TNN: variants seen among roughly 807,000 people sequenced by gnomAD.
TNN encodes the protein tenascin N.
Under a neutral mutation model 134.4 loss-of-function variants are expected in TNN, and 122 were observed. The observed-to-expected ratio is 0.91, with a 90% CI of 0.78 to 1.06. The LOEUF is 1.06. Among genes scored for constraint, TNN ranks in the 50% least tolerant of loss-of-function variants. TNN has a pLI of 0.00. For synonymous variants in TNN, 710 were observed against 670.3 expected (o/e 1.06, Z -0.91); for missense variants, 1,739 against 1,699.4 (o/e 1.02, Z -0.41).
At chr1:175,071,796 G>A (rs561913750) in intron 1 of TNN, among the ~76,000 whole-genome samples, 1 of 152,252 alleles carries the variant, frequency 6.6e-6, no homozygotes, top group Non-Finnish European at 1.5e-5. Context: ...AGGACTTTGA[G>A]GATTAAATGA....
At chr1:175,084,851 G>A (rs1674288055) in intron 5 of TNN, among the ~76,000 whole-genome samples, 2 of 152,160 alleles carry the variant, frequency 1.3e-5, no homozygotes. Flanking sequence ...AAAGGGCTGG[G>A]CATAATGGCT....
At position 175,079,480 on chromosome 1, in the gene TNN, G is replaced by C. The variant is rs749956734; in HGVS notation, c.557G>C (p.Cys186Ser). 30 of 1,563,370 alleles carry C rather than the reference G, an allele frequency of 1.9e-5. No individual in the cohort carries two copies. The East Asian group carries it at 7.0e-4, about 36-fold the overall frequency. ...SGHGRCVDGR[C>S]LCHEPYVGAD... is the part of the protein sequence containing the mutation. ...CACGGGCGTTGCGTGGACGGGCGCT[G>C]CCTGTGCCATGAGCCCTACGTGGGT... The change falls in exon 3 of 19, where the codon TGC becomes TCC. Residue 186 changes from cysteine (C) to serine (S), a missense_variant. By Grantham distance (112) the Cys-to-Ser change is moderately radical. Coordinates refer to ENST00000239462, the MANE Select transcript of TNN (RefSeq NM_022093.2).
Position 175,077,756 on chromosome 1 carries a change from A to G in TNN, c.338A>G (p.Lys113Arg), listed in dbSNP as rs940123457. 3.7e-6 allele frequency: 6 copies of G among 1,614,080 alleles called. No homozygotes were observed. In the African/African-American group the frequency reaches 6.7e-5, roughly 18 times the overall value. ...GSVQDLLARV[K>R]KLEEEMVEMK... ...GTCCAGGACCTCCTGGCCCGGGTGA[A>G]GAAGCTGGAGGAAGAGATGGTGGAG... Residue 113 changes from lysine (K) to arginine (R), a missense_variant, in exon 2 of 19, where the codon AAG becomes AGG. Coordinates refer to ENST00000239462, the MANE Select transcript of TNN (RefSeq NM_022093.2).
chr1:175,146,382 G>A (rs1676068735), intron 18 of TNN, among the ~76,000 whole-genome samples: 1 of 152,194 alleles, frequency 6.6e-6, no homozygotes, highest in Non-Finnish European at 1.5e-5. Context: ...TGGCCAGGTT[G>A]CAGGGTTATT....
chr1:175,095,421 A>G (rs1674545179), intron 7 of TNN, among the ~76,000 whole-genome samples: 1 of 152,182 alleles, frequency 6.6e-6, no homozygotes, highest in East Asian at 1.9e-4. Context: ...GTGTTCCGAT[A>G]AGACTTTATT....
At position 175,147,585 on chromosome 1, in the gene TNN, A is replaced by C. The variant is rs543192571; in HGVS notation, c.*514A>C. ...CCCCCTTTTAATTTCTGGTGTTATG[A>C]GGAAGAATAAAGGGGATAAAAGGGG... On this transcript the variant is annotated 3_prime_UTR_variant, in exon 19 of 19. Coordinates refer to ENST00000239462, the MANE Select transcript of TNN (RefSeq NM_022093.2). 6.6e-6 allele frequency: 1 copy of C among 152,286 alleles called. No homozygotes were observed. Among genetic ancestry groups the C allele is most frequent in the African/African-American group, 2.4e-5 (1 of 41,524 alleles). The allele number at this position is 152,286 out of a possible 1,614,324, so 9.4% of individuals were successfully genotyped here.
At position 175,118,571 on chromosome 1, in the gene TNN, C is replaced by A. The variant is rs763461948; in HGVS notation, c.2397C>A (p.Ser799Arg). The change falls in exon 11 of 19, where the codon AGC becomes AGA. Residue 799 changes from serine to arginine, a missense_variant. By Grantham distance (110) the Ser-to-Arg change is moderately radical. Transcript: ENST00000239462. ...ADTKAQTDID[S>R]PQNLVTDWVT... ...CATTTTTTTTTTCAGACATTGACAG[C>A]CCCCAAAACCTGGTCACTGACTGGG... The A allele has an allele frequency of 3.1e-6, 5 of 1,613,310 alleles. No homozygotes were observed. Among genetic ancestry groups the A allele is most frequent in the Admixed American group, 3.3e-5 (2 of 59,812 alleles).
Position 175,086,783 on chromosome 1 carries a change from T to C in TNN, c.1324+1289T>C, listed in dbSNP as rs191257285. 3.1e-3 allele frequency among the ~76,000 whole-genome samples: 476 copies of C among 152,346 alleles called. 3 individuals are homozygous for C. Among genetic ancestry groups the C allele is most frequent in the African/African-American group, 0.011 (453 of 41,588 alleles). On this transcript the variant is annotated intron_variant, in intron 6 of 18. Coordinates refer to ENST00000239462, the MANE Select transcript of TNN (RefSeq NM_022093.2). ...ACTAGACAAGGTAGACTGTACAGTC[T>C]GCCTGAATAGTGGACTAGGGAACTG...
At chr1:175,118,854 G>A (rs915819586) in intron 11 of TNN, 30 bp downstream of exon 11, 9 of 1,612,032 alleles carry the variant, frequency 5.6e-6, no homozygotes, top group South Asian at 4.4e-5. Flanking sequence ...GAGCAAACCC[G>A]GGTAGTAGCT....
rs775367374 is a variant in TNN, at chr1:175,144,532, G to A, written c.3741G>A (p.Gly1247=). 31 of 1,614,076 alleles carry A rather than the reference G, an allele frequency of 1.9e-5. No homozygotes were observed. The highest frequency in any genetic ancestry group is 2.6e-5 in the Non-Finnish European group (31 of 1,180,036). The part of the protein sequence containing the change: ...CHLANPNGRY[G]ETKHSEGVNW... ...TGGCCAACCCTAATGGCAGATATGG[G>A]GAGACCAAGCACAGTGAGGTAGGTG... is the stretch of plus-strand genomic sequence containing the variant. Residue 1247 remains glycine (G), a synonymous_variant, in exon 18 of 19, where the codon GGG becomes GGA. Coordinates refer to ENST00000239462, the MANE Select transcript of TNN (RefSeq NM_022093.2).
intron 1 of TNN, among the ~76,000 whole-genome samples, chr1:175,071,329 C>T (rs1405577268): frequency 1.3e-5 from 2 of 152,166 alleles, no homozygotes; most frequent in Admixed American, 6.5e-5. Context: ...AAACCATCCA[C>T]CCCTGGGGTC....
intron 7 of TNN, among the ~76,000 whole-genome samples, chr1:175,094,891 G>A (rs1039821137): frequency 6.6e-6 from 1 of 152,158 alleles, no homozygotes; most frequent in Non-Finnish European, 1.5e-5. Context: ...AAAACACCTG[G>A]CAGGAAATCA....
chr1:175,145,552 C>CAAAAACAAAAAAAA (rs1676042670), intron 18 of TNN, among the ~76,000 whole-genome samples: 1 of 28,910 alleles, frequency 3.5e-5, no homozygotes, highest in Non-Finnish European at 6.0e-5. Flanking sequence ...GACCCTGTCT[C>CAAAAACAAAAAAAA]AAAAAAAAAA....
At chr1:175,086,097 T>A (rs1674320860) in intron 6 of TNN, among the ~76,000 whole-genome samples, 2 of 152,198 alleles carry the variant, frequency 1.3e-5, no homozygotes, top group Admixed American at 1.3e-4. Flanking sequence ...GCGTTGTTTT[T>A]AAGGCATTTA....
intron 17 of TNN, 104 bp downstream of exon 17, chr1:175,137,092 G>A (rs1675831744): frequency 8.0e-7 from 1 of 1,244,086 alleles, no homozygotes; most frequent in African/African-American, 1.5e-5. Flanking sequence ...TTATTCTGTG[G>A]AGGTGAATTG....
chr1:175,073,464 G>A (rs1172705170), intron 1 of TNN, among the ~76,000 whole-genome samples: 2 of 152,184 alleles, frequency 1.3e-5, no homozygotes, highest in African/African-American at 2.4e-5. Context: ...CTTTTCTGGT[G>A]GCTTTTGGTC....
chr1:175,068,646 C>T (rs1436000120), intron 1 of TNN, among the ~76,000 whole-genome samples: 1 of 152,208 alleles, frequency 6.6e-6, no homozygotes. Flanking sequence ...GTGGCTCATG[C>T]CTGTAATCCC....
At chr1:175,080,474 C>T in intron 4 of TNN, 48 bp downstream of exon 4, 1 of 1,604,990 alleles carries the variant, frequency 6.2e-7, no homozygotes. Flanking sequence ...AGGCCCCATT[C>T]TAAATGGTTT....
chr1:175,101,059 G>T (rs1674708992), intron 9 of TNN, among the ~76,000 whole-genome samples: 1 of 152,182 alleles, frequency 6.6e-6, no homozygotes, highest in Non-Finnish European at 1.5e-5. Flanking sequence ...ATAAATCATT[G>T]TTAACTGTAG....
Sources: allele counts gnomAD v4.1 joint callset (sites outside exome capture counted in the v4.1 genomes callset), GRCh38; gene constraint gnomAD v4.1.1; transcripts MANE v1.5; gene names NCBI Gene and HGNC (gene_info 2026-07-23, HGNC 2026-07-21).